Variants in LCN2 observed in about 807,000 individuals in gnomAD.
The protein encoded by LCN2 is lipocalin 2.
A neutral mutation model predicts 26.4 loss-of-function variants in LCN2; 27 were observed. The ratio of observed to expected loss-of-function variants is 1.02; its 90% CI spans 0.76 to 1.41. LCN2 has a LOEUF of 1.41. LCN2 is among the 40% of genes most tolerant of loss of function. The probability of loss-of-function intolerance (pLI) is 0.00; values close to 1 mark genes in which losing one functional copy is unlikely to be tolerated. For missense variants in LCN2, 224 were observed against 237.6 expected (o/e 0.94, Z 0.38); for synonymous variants, 94 against 98.9 (o/e 0.95, Z 0.30).
intron 3 of LCN2, 22 bp downstream of exon 3, chr9:128,151,739 G>A (rs1331269109): frequency 6.2e-7 from 1 of 1,610,590 alleles, no homozygotes; most frequent in South Asian, 1.1e-5. Context: ...GTGAGGTGGG[G>A]CACTGAGTTG....
chr9:128,150,112 C>T (rs1834990842), intron 1 of LCN2, 126 bp from the exon 2 acceptor site: 1 of 1,256,192 alleles, frequency 8.0e-7, no homozygotes, highest in Non-Finnish European at 1.1e-6. Context: ...CCAGCCTGGG[C>T]CCTGCTGCCC....
At chr9:128,149,808 G>T in intron 1 of LCN2, 145 bp downstream of exon 1, 1 of 963,838 alleles carries the variant, frequency 1.0e-6, no homozygotes, top group Non-Finnish European at 1.5e-6. Context: ...GTGCCACCAG[G>T]GTCCCCTGGT....
Position 128,150,212 on chromosome 9 carries a change from T to C in LCN2, c.139-26T>C, listed in dbSNP as rs780631939. On this transcript the variant is annotated intron_variant, in intron 1 of 6. Coordinates refer to ENST00000277480, the MANE Select transcript of LCN2 (RefSeq NM_005564.5). ...GGTGGCTCCTAGGGCCATTCCTGGG[T>C]TGTGCCTCTTATCAGTCCCTTGCAG... 7 of 1,604,754 alleles carry C rather than the reference T, an allele frequency of 4.4e-6. No homozygotes were observed. The East Asian group carries it at 1.6e-4, about 36-fold the overall frequency.
In LCN2 at chr9:128,152,284, G is replaced by A. The variant is rs766819234; in HGVS notation, c.577G>A (p.Asp193Asn). ...ENHIVFPVPI[D>N]QCIDG ...CCACATCGTCTTCCCTGTCCCAATC[G>A]GTAATGGCCAGTCTGGATGAGGGGA... The change falls in exon 5 of 7, where the codon GAC becomes AAC. Residue 193 changes from aspartate (D) to asparagine (N), a missense_variant and splice_region_variant. Transcript: ENST00000277480. 1.4e-5 allele frequency: 22 copies of A among 1,613,224 alleles called. No individual in the cohort carries two copies. The Middle Eastern group carries it at 6.6e-4, about 48-fold the overall frequency.
At chr9:128,151,196 C>A (rs752527108) in intron 2 of LCN2, among the ~76,000 whole-genome samples, 1 of 151,872 alleles carries the variant, frequency 6.6e-6, no homozygotes, top group Non-Finnish European at 1.5e-5. Context: ...AGGTTTGACC[C>A]GAGAGCTAGG....
At chr9:128,152,310 C>T (rs914423204) in intron 5 of LCN2, 26 bp downstream of exon 5, 9 of 1,588,350 alleles carry the variant, frequency 5.7e-6, no homozygotes, top group African/African-American at 5.4e-5. Flanking sequence ...GATGAGGGGA[C>T]GGGGACATGG....
chr9:128,153,325 C>A lies in LCN2; in HGVS notation c.*22C>A. ...CCTCTGTCCAGGGTGCCGCCAGCTG[C>A]CGCACCAGCCCGAACACCATTGAGG... On this transcript the variant is annotated 3_prime_UTR_variant, in exon 7 of 7. Coordinates refer to ENST00000277480, the MANE Select transcript of LCN2 (RefSeq NM_005564.5). This position sits in a 1 kb window ranked among gnomAD's most constrained non-coding sequence, Gnocchi z 5.4. 1.6e-6 allele frequency: 1 copy of A among 642,226 alleles called. No homozygotes were observed. The highest frequency in any genetic ancestry group is 2.4e-5 in the Admixed American group (1 of 41,576). The allele number at this position is 642,226 out of a possible 1,614,324, so 39.8% of individuals were successfully genotyped here. A position where few individuals can be genotyped will look rare whatever the true frequency, so the allele number is the denominator to read the frequency against.
At chr9:128,152,103 A>G in intron 4 of LCN2, 78 bp downstream of exon 4, 1 of 1,607,712 alleles carries the variant, frequency 6.2e-7, no homozygotes, top group Non-Finnish European at 8.5e-7. Context: ...CCCATGAGGA[A>G]GGGATCTGAG....
chr9:128,151,476 G>C, intron 2 of LCN2, 162 bp from the exon 3 acceptor site: 1 of 652,546 alleles, frequency 1.5e-6, no homozygotes, highest in Non-Finnish European at 2.8e-6. Flanking sequence ...ATCTCGGCTG[G>C]GTGGGGTAGG....
At chr9:128,149,811 C>A (rs900950542) in intron 1 of LCN2, 148 bp downstream of exon 1, 31 of 923,290 alleles carry the variant, frequency 3.4e-5, no homozygotes, top group Non-Finnish European at 4.8e-5. Context: ...CCACCAGGGT[C>A]CCCTGGTGGA....
intron 5 of LCN2, 123 bp downstream of exon 5, chr9:128,152,407 G>C: frequency 2.4e-6 from 2 of 818,356 alleles, no homozygotes; most frequent in Non-Finnish European, 3.9e-6. Context: ...GCAGTGGATG[G>C]TCCAGGAGCT....
rs2232627 is a variant in LCN2 at position 128,151,911 on chromosome 9, C to T, written c.361C>T (p.Pro121Ser). ...EFTLGNIKSY[P>S]GLTSYLVRVV... ...CTCACCGTCCACGCCTGCAGGTTAC[C>T]CTGGATTAACGAGTTACCTCGTCCG... The change falls in exon 4 of 7, where the codon CCT (proline) becomes TCT (serine). Residue 121 changes from proline to serine, a missense_variant. Coordinates refer to ENST00000277480, the MANE Select transcript of LCN2 (RefSeq NM_005564.5). The T allele has an allele frequency of 8.1e-4, 1,300 of 1,614,102 alleles. 9 individuals are homozygous for T. The African/African-American group carries it at 0.015, about 19-fold the overall frequency.
rs1383747148 is a variant in LCN2, at chr9:128,150,412, C to T, written c.275+38C>T. On this transcript the variant is annotated intron_variant, in intron 2 of 6. Coordinates refer to ENST00000277480, the MANE Select transcript of LCN2 (RefSeq NM_005564.5). Reference sequence around the variant, plus strand: ...ATCTCCTGGGGGTGTGAGAGTCAGACTGACGTCACAGGCAAGGGATGGCCA... The same window carrying T: ...ATCTCCTGGGGGTGTGAGAGTCAGATTGACGTCACAGGCAAGGGATGGCCA... The T allele has an allele frequency of 1.9e-6, 3 of 1,614,062 alleles. No individual in the cohort carries two copies. The Admixed American group carries it at 5.0e-5, about 27-fold the overall frequency.
At chr9:128,152,699 T>C (rs921807507) in intron 5 of LCN2, among the ~76,000 whole-genome samples, 30 of 152,132 alleles carry the variant, frequency 2.0e-4, no homozygotes, top group African/African-American at 7.0e-4. Flanking sequence ...CCTGGGGACT[T>C]GCTCACCACT....
At chr9:128,151,575 C>T (rs1038396210) in intron 2 of LCN2, 63 bp from the exon 3 acceptor site, 1 of 1,345,580 alleles carries the variant, frequency 7.4e-7, no homozygotes, top group East Asian at 2.3e-5. Flanking sequence ...CCCACCTTGT[C>T]CAGCACAGGA....
chr9:128,153,261 G>A lies in LCN2; in HGVS notation c.*8-50G>A, dbSNP rs906102078. 7.3e-5 allele frequency: 80 copies of A among 1,088,704 alleles called. No homozygotes were observed. Among genetic ancestry groups the A allele is most frequent in the Non-Finnish European group, 1.0e-4 (75 of 720,290 alleles). The allele number at this position is 1,088,704 out of a possible 1,614,324, so 67.4% of individuals were successfully genotyped here. A position where few individuals can be genotyped will look rare whatever the true frequency, so the allele number is the denominator to read the frequency against. Reference sequence around the variant, plus strand: ...GTCTTTATTCTGCTGTCCCCATCTCGGGTGCCTCCCATTTCCCCACCCATC... The same window carrying A: ...GTCTTTATTCTGCTGTCCCCATCTCAGGTGCCTCCCATTTCCCCACCCATC... On this transcript the variant is annotated intron_variant, in intron 6 of 6. Coordinates refer to ENST00000277480, the MANE Select transcript of LCN2 (RefSeq NM_005564.5). This position sits in a 1 kb window ranked among gnomAD's most constrained non-coding sequence, Gnocchi z 5.4.
rs756532887 is a variant in LCN2, at chr9:128,150,351, C to T, written c.252C>T (p.Tyr84=). The change falls in exon 2 of 7, where the codon TAC becomes TAT. Residue 84 remains tyrosine, a synonymous_variant. Coordinates refer to ENST00000277480, the MANE Select transcript of LCN2 (RefSeq NM_005564.5). Reference sequence around the variant, plus strand: ...ATGAGCTGAAAGAAGACAAGAGCTACAATGTCACCTCCGTCCTGTTTAGGT... The same window carrying T: ...ATGAGCTGAAAGAAGACAAGAGCTATAATGTCACCTCCGTCCTGTTTAGGT... ...TIYELKEDKS[Y]NVTSVLFRKK... 8 of 1,614,184 alleles carry T rather than the reference C, an allele frequency of 5.0e-6. No homozygotes were observed. The Admixed American group carries it at 5.0e-5, about 10-fold the overall frequency.
intron 2 of LCN2, 118 bp from the exon 3 acceptor site, chr9:128,151,520 G>T: frequency 1.3e-6 from 1 of 787,496 alleles, no homozygotes; most frequent in East Asian, 2.6e-5. Flanking sequence ...AGCTGTCACG[G>T]GTTGGGCCGG....
chr9:128,153,030 TCA>T lies in LCN2; in HGVS notation c.578-58_578-57del, dbSNP rs370651506. Reference sequence around the variant, plus strand: ...GTGCAGAGGACCTGGCAGTCAGGGATCACACACACACACTCATACACGCACAC... The same window carrying T: ...GTGCAGAGGACCTGGCAGTCAGGGATCACACACACACTCATACACGCACAC... On this transcript the variant is annotated intron_variant, in intron 5 of 6. Transcript: ENST00000277480. The surrounding 1 kb of genome is among the most constrained non-coding windows in gnomAD (Gnocchi z 5.4). The T allele has an allele frequency of 4.3e-4, 683 of 1,592,890 alleles. 2 individuals carry two copies. In the African/African-American group the frequency reaches 6.9e-3, roughly 16 times the overall value.
Sources: gnomAD v4.1 joint callset for allele counts (sites outside exome capture counted in the v4.1 genomes callset) on GRCh38, gnomAD v4.1.1 for gene constraint, Gnocchi (gnomAD v3.1) non-coding constraint, MANE v1.5 for transcripts, NCBI Gene and HGNC (gene_info 2026-07-23, HGNC 2026-07-21) for gene names.